The following GRID2 variants were observed in gnomAD, a reference collection of about 807,000 sequenced individuals.
The protein encoded by GRID2 is glutamate ionotropic receptor delta type subunit 2.
A neutral mutation model predicts 114.8 loss-of-function variants in GRID2; 33 were observed. The observed-to-expected ratio is 0.29, with a 90% CI of 0.22 to 0.38. The LOEUF (loss-of-function observed/expected upper bound fraction) is 0.38. Ranked by LOEUF, GRID2 falls within the 10% of genes least tolerant of loss-of-function variation. The pLI is 1.00. For missense variants in GRID2, 1,184 were observed against 1,257.7 expected (o/e 0.94, Z 0.89); for synonymous variants, 505 against 449.9 (o/e 1.12, Z -1.55).
chr4:92,441,149 G>A (rs62304362), intron 1 of GRID2, among the ~76,000 whole-genome samples: 36 of 151,848 alleles, frequency 2.4e-4, no homozygotes, highest in Admixed American at 8.5e-4. Context: ...AATTCTGACC[G>A]CACTAACCAT....
At chr4:93,308,822 G>A (rs1322114591) in intron 8 of GRID2, among the ~76,000 whole-genome samples, 1 of 152,146 alleles carries the variant, frequency 6.6e-6, no homozygotes, top group Non-Finnish European at 1.5e-5. Context: ...ATCACATCAT[G>A]TAATGAAGTC....
chr4:92,765,189 A>C (rs1363529057), intron 2 of GRID2, among the ~76,000 whole-genome samples: 3 of 152,176 alleles, frequency 2.0e-5, no homozygotes, highest in African/African-American at 7.2e-5. Flanking sequence ...TTTCTCAATA[A>C]ACTTAGATAA....
chr4:93,445,820 A>G (rs1722042673), intron 10 of GRID2, among the ~76,000 whole-genome samples: 1 of 152,020 alleles, frequency 6.6e-6, no homozygotes, highest in South Asian at 2.1e-4. Context: ...AATTTTTGAA[A>G]TATCTATTTA....
chr4:93,276,210 T>G, intron 8 of GRID2, among the ~76,000 whole-genome samples: 1 of 152,038 alleles, frequency 6.6e-6, no homozygotes, highest in East Asian at 1.9e-4. Context: ...GAAACATCTA[T>G]TCTTTCCCTA....
intron 4 of GRID2, among the ~76,000 whole-genome samples, chr4:93,125,348 G>A (rs1053882785): frequency 2.0e-5 from 3 of 151,700 alleles, no homozygotes; most frequent in Admixed American, 2.0e-4. Context: ...TAGAAGTTTT[G>A]AAAAAGCAAA....
chr4:92,994,907 CTGTT>C (rs1451084410), intron 2 of GRID2, among the ~76,000 whole-genome samples: 6 of 152,134 alleles, frequency 3.9e-5, no homozygotes, highest in Non-Finnish European at 8.8e-5. Context: ...TTTCCCAACT[CTGTT>C]TGGTGACTTC....
chr4:93,206,093 T>C (rs975796063), intron 4 of GRID2, among the ~76,000 whole-genome samples: 3 of 151,790 alleles, frequency 2.0e-5, no homozygotes, highest in Admixed American at 6.6e-5. Context: ...AAATTAAAAA[T>C]GATAATAATA....
At chr4:93,440,018 G>A (rs116777499) in intron 10 of GRID2, among the ~76,000 whole-genome samples, 1 of 152,100 alleles carries the variant, frequency 6.6e-6, no homozygotes, top group Non-Finnish European at 1.5e-5. Flanking sequence ...AGCTGGCAAG[G>A]ACAAAGACCA....
At chr4:93,092,973 C>T (rs931043406) in intron 3 of GRID2, among the ~76,000 whole-genome samples, 16 of 152,112 alleles carry the variant, frequency 1.1e-4, no homozygotes, top group African/African-American at 3.6e-4. Flanking sequence ...TACTGCATAG[C>T]AGGTGCTGAG....
chr4:92,649,982 T>G (rs7654414), intron 2 of GRID2, among the ~76,000 whole-genome samples: 42,143 of 151,836 alleles, frequency 0.28, 5,918 homozygotes, highest in South Asian at 0.33. Flanking sequence ...CATCATAAGT[T>G]GAGGAGCATA....
rs188955173 is a variant in GRID2, at chr4:92,840,011, G to A, written c.245-244984G>A. ...ATATCTGGGCACTCCACTGTTGAGT[G>A]TACATATATTTAAAACTTGTTATAT... On this transcript the variant is annotated intron_variant, in intron 2 of 15. Transcript: ENST00000282020. Among the ~76,000 whole-genome samples, 8 of 152,012 alleles carry A rather than the reference G, an allele frequency of 5.3e-5. No homozygotes were observed. The East Asian group carries it at 1.5e-3, about 29-fold the overall frequency.
intron 14 of GRID2, among the ~76,000 whole-genome samples, chr4:93,717,556 T>C (rs1729003212): frequency 1.3e-5 from 2 of 152,146 alleles, no homozygotes; most frequent in South Asian, 4.1e-4. Flanking sequence ...CAAAGAAACT[T>C]GCATGGAAAA....
chr4:92,531,178 C>T (rs955632668), intron 1 of GRID2, among the ~76,000 whole-genome samples: 2 of 151,850 alleles, frequency 1.3e-5, no homozygotes, highest in African/African-American at 2.4e-5. Context: ...GCTTAGTTTT[C>T]GGCATAGATA....
At chr4:92,357,850 C>T (rs1728408418) in intron 1 of GRID2, among the ~76,000 whole-genome samples, 1 of 151,762 alleles carries the variant, frequency 6.6e-6, no homozygotes, top group African/African-American at 2.4e-5. Flanking sequence ...AACAGAGCTC[C>T]TTCTGGACCT....
intron 4 of GRID2, among the ~76,000 whole-genome samples, chr4:93,133,972 T>G (rs917861214): frequency 6.6e-6 from 1 of 152,184 alleles, no homozygotes; most frequent in Non-Finnish European, 1.5e-5. Flanking sequence ...AAAAGAAGAA[T>G]GCATAGTCTC....
At chr4:93,075,883 CTTTTTTTTTTTTTT>C (rs10706922) in intron 2 of GRID2, among the ~76,000 whole-genome samples, 15 of 76,604 alleles carry the variant, frequency 2.0e-4, no homozygotes, top group South Asian at 8.7e-4. Context: ...AGTTACCTCT[CTTTTTTTTTTTTTT>C]TTTTTTTTTT....
intron 4 of GRID2, among the ~76,000 whole-genome samples, chr4:93,202,971 T>TTG (rs1396511689): frequency 6.6e-6 from 1 of 151,818 alleles, no homozygotes; most frequent in African/African-American, 2.4e-5. Context: ...ACATTCTTTT[T>TTG]TGTGTGTGTG....
chr4:92,826,419 C>T (rs529285369), intron 2 of GRID2, among the ~76,000 whole-genome samples: 32 of 152,194 alleles, frequency 2.1e-4, no homozygotes, highest in African/African-American at 7.2e-4. Flanking sequence ...TATCTTCCTT[C>T]CTGCTCTATA....
chr4:93,393,563 TG>T (rs901710212), intron 8 of GRID2, among the ~76,000 whole-genome samples: 8 of 152,152 alleles, frequency 5.3e-5, no homozygotes, highest in Non-Finnish European at 7.4e-5. Flanking sequence ...AATGCTTTTT[TG>T]CTGTCATTGT....
Sources: allele counts gnomAD v4.1 joint callset (sites outside exome capture counted in the v4.1 genomes callset), GRCh38; gene constraint gnomAD v4.1.1; transcripts MANE v1.5; gene names NCBI Gene and HGNC (gene_info 2026-07-23, HGNC 2026-07-21).